The following PACRG variants were observed in gnomAD, a reference collection of about 807,000 sequenced individuals.
PACRG encodes parkin coregulated gene protein.
A neutral mutation model predicts 29.7 loss-of-function variants in PACRG; 29 were observed. The ratio of observed to expected loss-of-function variants is 0.98; its 90% CI spans 0.73 to 1.33. The LOEUF (loss-of-function observed/expected upper bound fraction) is 1.33, where lower values mean the gene tolerates loss of function less well. PACRG is among the 40% of genes most tolerant of loss of function. The pLI is 0.00. For synonymous variants in PACRG, 116 were observed against 118.7 expected, an observed-to-expected ratio of 0.98 and a Z score of 0.15; for missense variants, 279 against 316.2, an observed-to-expected ratio of 0.88 and a Z score of 0.89.
At chr6:162,814,806 C>T (rs545141418) in intron 2 of PACRG, among the ~76,000 whole-genome samples, 4 of 152,316 alleles carry the variant, frequency 2.6e-5, no homozygotes, top group Admixed American at 2.0e-4. Flanking sequence ...GGCTGTCACA[C>T]GTGCCCTGTT....
intron 4 of PACRG, among the ~76,000 whole-genome samples, chr6:163,229,615 C>G (rs1781944985): frequency 6.6e-6 from 1 of 152,212 alleles, no homozygotes; most frequent in Non-Finnish European, 1.5e-5. Flanking sequence ...CATCGTTCCC[C>G]TTCAGTTAGT....
At chr6:162,893,417 C>T (rs1020773540) in intron 2 of PACRG, among the ~76,000 whole-genome samples, 13 of 152,244 alleles carry the variant, frequency 8.5e-5, no homozygotes, top group East Asian at 1.9e-4. Context: ...GAACTGGAAA[C>T]GGTGCGTTTT....
intron 2 of PACRG, among the ~76,000 whole-genome samples, chr6:162,902,586 C>T (rs60119684): frequency 0.025 from 3,866 of 152,210 alleles, 149 homozygotes; most frequent in African/African-American, 0.083. Flanking sequence ...GGCTTGCTAT[C>T]CCGACAATAT....
At chr6:162,995,306 A>T (rs1369371740) in intron 2 of PACRG, among the ~76,000 whole-genome samples, 27 of 150,982 alleles carry the variant, frequency 1.8e-4, no homozygotes, top group Admixed American at 9.2e-4. Context: ...TTACCTAAGC[A>T]AGCCTGGGCA....
chr6:162,978,515 A>G (rs115181827), intron 2 of PACRG, among the ~76,000 whole-genome samples: 2 of 152,026 alleles, frequency 1.3e-5, no homozygotes, highest in South Asian at 4.1e-4. Context: ...ACATAATTCT[A>G]TATGGTGTGA....
chr6:162,856,673 A>G (rs1223166707), intron 2 of PACRG, among the ~76,000 whole-genome samples: 1 of 152,212 alleles, frequency 6.6e-6, no homozygotes, highest in Admixed American at 6.5e-5. Flanking sequence ...CACTTTTCAT[A>G]TATGATGTGA....
chr6:163,055,347 C>A lies in PACRG; in HGVS notation c.292-6803C>A, dbSNP rs1299483063. ...CCAGGTGTGCACACACACATGCACA[C>A]ACACACGCACACACACGCACACATA... On this transcript the variant is annotated intron_variant, in intron 2 of 4. Transcript: ENST00000366888. This position sits in a 1 kb window ranked among gnomAD's most constrained non-coding sequence, Gnocchi z 4.0. 1.3e-5 allele frequency among the ~76,000 whole-genome samples: 2 copies of A among 151,778 alleles called. No individual in the cohort carries two copies. Among genetic ancestry groups the A allele is most frequent in the African/African-American group, 2.4e-5 (1 of 41,288 alleles).
chr6:163,148,468 A>G (rs1777894723), intron 4 of PACRG, among the ~76,000 whole-genome samples: 2 of 152,330 alleles, frequency 1.3e-5, no homozygotes, highest in South Asian at 4.1e-4. Context: ...CTCACACAGA[A>G]AACATTTCTA....
chr6:162,965,143 G>C (rs879561875), intron 2 of PACRG, among the ~76,000 whole-genome samples: 3 of 152,172 alleles, frequency 2.0e-5, no homozygotes, highest in Admixed American at 2.0e-4. Flanking sequence ...CTTTATCCCT[G>C]TGGGGAGCCA....
At chr6:163,266,524 G>A (rs1269985182) in intron 4 of PACRG, among the ~76,000 whole-genome samples, 1 of 152,202 alleles carries the variant, frequency 6.6e-6, no homozygotes, top group Non-Finnish European at 1.5e-5. Flanking sequence ...GGAGAAGCCA[G>A]ATGGGGCCAG....
chr6:162,826,940 C>T (rs2128386139), intron 2 of PACRG, among the ~76,000 whole-genome samples: 1 of 152,228 alleles, frequency 6.6e-6, no homozygotes, highest in East Asian at 1.9e-4. Flanking sequence ...TTTTACTAAA[C>T]ATCATTCAAT....
At chr6:162,827,445 G>A (rs1788382499) in intron 2 of PACRG, among the ~76,000 whole-genome samples, 1 of 152,100 alleles carries the variant, frequency 6.6e-6, no homozygotes. Flanking sequence ...AAAATGTATT[G>A]GTTAGTTGCA....
chr6:162,807,741 T>A (rs914685114), intron 1 of PACRG, among the ~76,000 whole-genome samples: 2 of 152,092 alleles, frequency 1.3e-5, no homozygotes, highest in South Asian at 4.1e-4. Context: ...TGCAGAGACA[T>A]GAAGTGAGCC....
chr6:163,245,473 G>A (rs868294274), intron 4 of PACRG, among the ~76,000 whole-genome samples: 8 of 152,132 alleles, frequency 5.3e-5, no homozygotes, highest in Non-Finnish European at 1.0e-4. Flanking sequence ...CGGCGTCTCC[G>A]TGACAGGTTT....
intron 2 of PACRG, among the ~76,000 whole-genome samples, chr6:162,899,299 A>C (rs1339485586): frequency 6.6e-6 from 1 of 152,144 alleles, no homozygotes; most frequent in Non-Finnish European, 1.5e-5. Flanking sequence ...CAGTGTGAAG[A>C]CAGGAGAGCT....
intron 4 of PACRG, among the ~76,000 whole-genome samples, chr6:163,090,083 A>AT (rs5881505): frequency 0.39 from 59,936 of 151,958 alleles, 14,872 homozygotes; most frequent in African/African-American, 0.69. Context: ...ATAAGTCAAC[A>AT]TGAAGTTATT....
intron 4 of PACRG, among the ~76,000 whole-genome samples, chr6:163,289,281 T>A (rs1470338579): frequency 6.6e-6 from 1 of 152,202 alleles, no homozygotes; most frequent in East Asian, 1.9e-4. Flanking sequence ...CTCTCCTGAT[T>A]TGGCATTAAA....
intron 4 of PACRG, among the ~76,000 whole-genome samples, chr6:163,271,978 A>G (rs1585389130): frequency 1.3e-5 from 2 of 151,950 alleles, no homozygotes; most frequent in South Asian, 4.1e-4. Context: ...CATATAGGTC[A>G]TATAAAAACT....
chr6:163,157,169 C>T (rs1778359383), intron 4 of PACRG, among the ~76,000 whole-genome samples: 2 of 152,174 alleles, frequency 1.3e-5, no homozygotes, highest in African/African-American at 4.8e-5. Context: ...GTCCAAACTT[C>T]CTATTTGGGC....
Sources: gnomAD v4.1 joint callset for allele counts (sites outside exome capture counted in the v4.1 genomes callset) on GRCh38, gnomAD v4.1.1 for gene constraint, Gnocchi (gnomAD v3.1) non-coding constraint, MANE v1.5 for transcripts, NCBI Gene and HGNC (gene_info 2026-07-23, HGNC 2026-07-21) for gene names.